Variants in PRKCB observed in about 807,000 individuals in gnomAD.
PRKCB encodes the protein protein kinase C beta type.
A neutral mutation model predicts 81.5 loss-of-function variants in PRKCB; 13 were observed. The observed-to-expected ratio is 0.16, with a 90% CI of 0.10 to 0.25. PRKCB has a LOEUF of 0.25. Among genes scored for constraint, PRKCB ranks in the 10% least tolerant of loss-of-function variants. The probability of loss-of-function intolerance (pLI) is 1.00; values close to 1 mark genes in which losing one functional copy is unlikely to be tolerated. For synonymous variants in PRKCB, 335 were observed against 321.4 expected (o/e 1.04, Z -0.45); for missense variants, 509 against 875.7 (o/e 0.58, Z 5.29).
Position 23,988,501 on chromosome 16 carries a change from T to G in PRKCB, c.206-7T>G, listed in dbSNP as rs1964829891. 1 of 1,613,638 alleles carries G rather than the reference T, an allele frequency of 6.2e-7. No individual in the cohort carries two copies. On this transcript the variant is annotated splice_polypyrimidine_tract_variant and splice_region_variant and intron_variant, in intron 2 of 16. Coordinates refer to ENST00000643927, the MANE Select transcript of PRKCB (RefSeq NM_002738.7). ...CCTTCCTCCCACCCTGATTTTCTCT[T>G]TTGCAGTTTGCTGCTTTGTGGTGCA...
chr16:23,988,739 T>C, intron 3 of PRKCB, 149 bp downstream of exon 3: 1 of 732,350 alleles, frequency 1.4e-6, no homozygotes, highest in Non-Finnish European at 2.1e-6. Context: ...CAGTTTTCCT[T>C]TTAGTGGAAA....
At chr16:24,041,999 A>AAG (rs1555492655) in intron 5 of PRKCB, among the ~76,000 whole-genome samples, 281 of 149,980 alleles carry the variant, frequency 1.9e-3, no homozygotes, top group African/African-American at 5.9e-3. Context: ...AAAAAAAAAA[A>AAG]AAGAATTGGG....
In PRKCB at chr16:23,981,675, CCCCTTCCCCTT is replaced by C. The variant is rs1180329596; in HGVS notation, c.206-6805_206-6795del. Among the ~76,000 whole-genome samples, 18 of 99,758 alleles carry C rather than the reference CCCCTTCCCCTT, an allele frequency of 1.8e-4. No homozygotes were observed. The East Asian group carries it at 2.6e-3, about 15-fold the overall frequency. 65.4% of individuals were successfully genotyped at this position (99,758 alleles called of 152,430 possible). On this transcript the variant is annotated intron_variant, in intron 2 of 16. Transcript: ENST00000643927. ...TCCCTTCCTTTTTTCCCTTTCTCTT[CCCCTTCCCCTT>C]CCCTTCCCCTTCCCTTCCCCTTCCC...
intron 3 of PRKCB, among the ~76,000 whole-genome samples, chr16:23,999,699 T>C (rs988785134): frequency 5.3e-5 from 8 of 152,164 alleles, no homozygotes; most frequent in African/African-American, 1.9e-4. Flanking sequence ...CTTATGGACA[T>C]TATAGGTTAT....
chr16:24,054,720 T>TC (rs1204662779), intron 5 of PRKCB, among the ~76,000 whole-genome samples: 1 of 152,194 alleles, frequency 6.6e-6, no homozygotes, highest in Non-Finnish European at 1.5e-5. Flanking sequence ...GACAGCTCAT[T>TC]TATGTGATGC....
intron 2 of PRKCB, among the ~76,000 whole-genome samples, chr16:23,982,124 C>T (rs111209335): frequency 0.14 from 2,884 of 21,080 alleles, 59 homozygotes; most frequent in South Asian, 0.22. Flanking sequence ...TTCCCTTCCC[C>T]TTCCCTTCCC....
intron 5 of PRKCB, among the ~76,000 whole-genome samples, chr16:24,037,279 G>A (rs1459400862): frequency 6.6e-6 from 1 of 152,158 alleles, no homozygotes; most frequent in Non-Finnish European, 1.5e-5. Context: ...GTGAGCCACT[G>A]CGCCCAACCT....
At position 24,120,195 on chromosome 16, in the gene PRKCB, G is replaced by A. The variant is rs147255765; in HGVS notation, c.919-3640G>A. Among the ~76,000 whole-genome samples, 424 of 152,234 alleles carry A rather than the reference G, an allele frequency of 2.8e-3. 1 individual carries two copies. Among genetic ancestry groups the A allele is most frequent in the Non-Finnish European group, 4.5e-3 (307 of 68,016 alleles). On this transcript the variant is annotated intron_variant, in intron 8 of 16. Coordinates refer to ENST00000643927, the MANE Select transcript of PRKCB (RefSeq NM_002738.7). Reference sequence around the variant, plus strand: ...GGAACAGAGATTGCCTTAGTGGCGGGGGTTGCGGGGGGCGTCGACTGGGAA... The same window carrying A: ...GGAACAGAGATTGCCTTAGTGGCGGAGGTTGCGGGGGGCGTCGACTGGGAA...
At chr16:23,917,508 C>G (rs1162666360) in intron 2 of PRKCB, among the ~76,000 whole-genome samples, 2 of 152,172 alleles carry the variant, frequency 1.3e-5, no homozygotes, top group Admixed American at 1.3e-4. Context: ...TATGACCTGG[C>G]CTGGGGTGAC....
Position 24,210,489 on chromosome 16 carries a change from G to A in PRKCB, c.1864-4169G>A, listed in dbSNP as rs73550427. 1.0e-2 allele frequency among the ~76,000 whole-genome samples: 1,506 copies of A among 151,142 alleles called. 25 individuals are homozygous for A. The highest frequency in any genetic ancestry group is 0.035 in the African/African-American group (1,429 of 40,852). On this transcript the variant is annotated intron_variant, in intron 16 of 16. Transcript: ENST00000643927. The stretch of plus-strand genomic sequence containing the variant: ...TGGCATCACTCTCACTCCATCCCCT[G>A]GACTTTCTTCTTCTTTTTTTTTTTT...
intron 2 of PRKCB, among the ~76,000 whole-genome samples, chr16:23,862,804 G>A (rs1321209510): frequency 1.3e-5 from 2 of 151,952 alleles, no homozygotes; most frequent in Non-Finnish European, 2.9e-5. Flanking sequence ...AAATAAGACC[G>A]GGACTTGCTG....
At chr16:24,077,887 C>T (rs1340581904) in intron 5 of PRKCB, among the ~76,000 whole-genome samples, 1 of 152,214 alleles carries the variant, frequency 6.6e-6, no homozygotes, top group East Asian at 1.9e-4. Flanking sequence ...GTAGACAGGG[C>T]TCTTCTATCA....
Position 23,924,738 on chromosome 16 carries a change from A to G in PRKCB, c.206-63770A>G, listed in dbSNP as rs1371719603. On this transcript the variant is annotated intron_variant, in intron 2 of 16. Transcript: ENST00000643927. Reference sequence around the variant, plus strand: ...CATAGTTGAAAATTGCCAAGAGAGTAGATTTTAAGTGTTCTCACTACGAAA... The same window carrying G: ...CATAGTTGAAAATTGCCAAGAGAGTGGATTTTAAGTGTTCTCACTACGAAA... 2.6e-5 allele frequency among the ~76,000 whole-genome samples: 4 copies of G among 152,108 alleles called. 1 individual carries two copies. Among genetic ancestry groups the G allele is most frequent in the East Asian group, 1.9e-4 (1 of 5,196 alleles).
intron 3 of PRKCB, among the ~76,000 whole-genome samples, chr16:23,994,392 G>A (rs1964929353): frequency 6.6e-6 from 1 of 152,178 alleles, no homozygotes; most frequent in Admixed American, 6.5e-5. Flanking sequence ...CCCCATACTG[G>A]TTCTTTGACC....
chr16:23,934,021 TCATCCATC>T (rs67394616), intron 2 of PRKCB, among the ~76,000 whole-genome samples: 73,913 of 142,278 alleles, frequency 0.52, 19,446 homozygotes, highest in East Asian at 0.62. Context: ...TTCTACCCAC[TCATCCATC>T]CATCCATCCA....
intron 5 of PRKCB, among the ~76,000 whole-genome samples, chr16:24,058,055 G>A (rs539857891): frequency 6.6e-6 from 1 of 152,190 alleles, no homozygotes; most frequent in South Asian, 2.1e-4. Flanking sequence ...CTTTTCCCAT[G>A]ATAGCCACAT....
chr16:24,199,969 A>G (rs941465266), intron 16 of PRKCB, among the ~76,000 whole-genome samples: 3 of 152,272 alleles, frequency 2.0e-5, no homozygotes, highest in African/African-American at 7.2e-5. Context: ...TCTGTTACAT[A>G]ATAGAAAAAG....
chr16:23,963,593 G>C (rs372662168), intron 2 of PRKCB: 1 of 152,160 alleles, frequency 6.6e-6, no homozygotes, highest in African/African-American at 2.4e-5. Context: ...TTTCCACTGG[G>C]TGCTGGAACC....
At chr16:23,910,816 G>A (rs562574185) in intron 2 of PRKCB, among the ~76,000 whole-genome samples, 1 of 152,050 alleles carries the variant, frequency 6.6e-6, no homozygotes, top group East Asian at 1.9e-4. Context: ...ATTAGCAGTC[G>A]CTCTCCATTT....
Sources: allele counts gnomAD v4.1 joint callset (sites outside exome capture counted in the v4.1 genomes callset), GRCh38; gene constraint gnomAD v4.1.1; transcripts MANE v1.5; gene names NCBI Gene and HGNC (gene_info 2026-07-23, HGNC 2026-07-21).